The following PDE11A variants were observed in gnomAD, a reference collection of about 807,000 sequenced individuals.
PDE11A encodes dual 3',5'-cyclic-AMP and -GMP phosphodiesterase 11A.
PDE11A carries 100 observed loss-of-function variants against 100.5 expected under a neutral mutation model. The ratio of observed to expected loss-of-function variants is 1.00; its 90% CI spans 0.85 to 1.18. The LOEUF (loss-of-function observed/expected upper bound fraction) is 1.18. Ranked by LOEUF, PDE11A falls within the 50% of genes most tolerant of loss-of-function variation. The pLI is 0.00. For synonymous variants in PDE11A, 381 were observed against 420.8 expected (o/e 0.91, Z 1.16); for missense variants, 1,141 against 1,152.6 (o/e 0.99, Z 0.15).
intron 19 of PDE11A, among the ~76,000 whole-genome samples, chr2:177,647,787 A>G (rs561239930): frequency 6.6e-6 from 1 of 152,268 alleles, no homozygotes; most frequent in African/African-American, 2.4e-5. Context: ...CTCTCTCCCT[A>G]TGGCAAGGGA....
chr2:178,003,930 G>A (rs2086174363), intron 2 of PDE11A, among the ~76,000 whole-genome samples: 1 of 152,042 alleles, frequency 6.6e-6, no homozygotes. Flanking sequence ...AATTTTGTAA[G>A]AATGTGATTT....
At chr2:177,713,361 C>T (rs2081385000) in intron 12 of PDE11A, among the ~76,000 whole-genome samples, 1 of 152,132 alleles carries the variant, frequency 6.6e-6, no homozygotes, top group African/African-American at 2.4e-5. Context: ...TTTAGAAATA[C>T]ATATAACTTC....
At position 177,637,495 on chromosome 2, in the gene PDE11A, A is replaced by T. The variant is rs113930372; in HGVS notation, c.2647-7933T>A. ...TGCATTTTTTTGCAGTTCTTCAAAG[A>T]TCCTGTTCTGGATTGTGTTTTTGTC... On this transcript the variant is annotated intron_variant, in intron 19 of 19. Transcript: ENST00000286063. 9.7e-4 allele frequency among the ~76,000 whole-genome samples: 148 copies of T among 151,848 alleles called. 3 individuals are homozygous for T. The highest frequency in any genetic ancestry group is 3.5e-3 in the African/African-American group (145 of 41,400).
intron 4 of PDE11A, among the ~76,000 whole-genome samples, chr2:177,883,990 C>T (rs1376556131): frequency 6.6e-6 from 1 of 152,198 alleles, no homozygotes; most frequent in Non-Finnish European, 1.5e-5. Context: ...ATCTTCTGCT[C>T]ATACCTTCTA....
At chr2:177,994,073 G>A (rs962438099) in intron 2 of PDE11A, among the ~76,000 whole-genome samples, 4 of 151,636 alleles carry the variant, frequency 2.6e-5, no homozygotes, top group Non-Finnish European at 4.4e-5. Context: ...TGAGACTACA[G>A]GCACCCACCA....
At chr2:177,630,622 T>C (rs1295222941) in intron 19 of PDE11A, among the ~76,000 whole-genome samples, 1 of 152,226 alleles carries the variant, frequency 6.6e-6, no homozygotes, top group Admixed American at 6.5e-5. Context: ...AAAATTCCAC[T>C]ATTCTCTACT....
At chr2:177,888,583 T>C in intron 4 of PDE11A, 2 of 276,426 alleles carry the variant, frequency 7.2e-6, no homozygotes, top group Non-Finnish European at 1.1e-5. Flanking sequence ...GTTAATAAAT[T>C]TGACACATTA....
intron 9 of PDE11A, among the ~76,000 whole-genome samples, chr2:177,781,029 CT>C (rs965888903): frequency 6.6e-6 from 1 of 152,184 alleles, no homozygotes; most frequent in African/African-American, 2.4e-5. Flanking sequence ...CCTATCTCAC[CT>C]TTTGACATGC....
At chr2:177,710,234 G>A (rs1286258211) in intron 13 of PDE11A, among the ~76,000 whole-genome samples, 2 of 152,094 alleles carry the variant, frequency 1.3e-5, no homozygotes, top group African/African-American at 4.8e-5. Flanking sequence ...AGATAGGAGG[G>A]AAGGAGGGAA....
At chr2:177,945,273 G>C (rs1458218228) in intron 2 of PDE11A, among the ~76,000 whole-genome samples, 1 of 147,206 alleles carries the variant, frequency 6.8e-6, no homozygotes, top group African/African-American at 2.5e-5. Context: ...GTCTCTGCCT[G>C]GCCGCCCATC....
intron 9 of PDE11A, among the ~76,000 whole-genome samples, chr2:177,795,976 T>TATATATATATATA (rs60572700): frequency 1.0e-4 from 14 of 137,890 alleles, no homozygotes; most frequent in Admixed American, 1.5e-4. Flanking sequence ...TATATATATA[T>TATATATATATATA]CTTTGCTTTA....
chr2:177,709,497 G>A (rs2081327518), intron 13 of PDE11A, among the ~76,000 whole-genome samples: 1 of 152,110 alleles, frequency 6.6e-6, no homozygotes, highest in Non-Finnish European at 1.5e-5. Flanking sequence ...GAGGTTGAGG[G>A]GACTGTAGGA....
intron 9 of PDE11A, among the ~76,000 whole-genome samples, chr2:177,791,609 G>A (rs952543802): frequency 6.6e-6 from 1 of 151,446 alleles, no homozygotes; most frequent in Non-Finnish European, 1.5e-5. Flanking sequence ...ATATACATTT[G>A]TGGTTTATTT....
At chr2:177,796,619 T>G (rs2082711496) in intron 9 of PDE11A, among the ~76,000 whole-genome samples, 1 of 152,180 alleles carries the variant, frequency 6.6e-6, no homozygotes, top group Admixed American at 6.5e-5. Flanking sequence ...ATTTGGGGTG[T>G]GATCTGCCAC....
intron 1 of PDE11A, among the ~76,000 whole-genome samples, chr2:178,045,892 G>C (rs2086743612): frequency 6.6e-6 from 1 of 152,182 alleles, no homozygotes; most frequent in Non-Finnish European, 1.5e-5. Context: ...CTTCTTTCAT[G>C]GACAGGAATC....
chr2:177,669,207 A>G (rs1016448148), intron 18 of PDE11A, among the ~76,000 whole-genome samples: 1 of 152,228 alleles, frequency 6.6e-6, no homozygotes, highest in Non-Finnish European at 1.5e-5. Flanking sequence ...ATGAAATGCC[A>G]GCACTGGGCT....
chr2:178,091,818 GT>G (rs752341468), intron 2 of PDE11A, among the ~76,000 whole-genome samples: 1 of 152,020 alleles, frequency 6.6e-6, no homozygotes, highest in South Asian at 2.1e-4. Context: ...AGGTTTTAGG[GT>G]TTTTTTCTCC....
chr2:177,736,307 T>C (rs181661035), intron 10 of PDE11A, among the ~76,000 whole-genome samples: 1 of 151,494 alleles, frequency 6.6e-6, no homozygotes, highest in East Asian at 1.9e-4. Flanking sequence ...AGGTCAGGAG[T>C]TCGAGACCAG....
At chr2:177,921,048 C>CTG in intron 2 of PDE11A, among the ~76,000 whole-genome samples, 1 of 142,318 alleles carries the variant, frequency 7.0e-6, no homozygotes, top group Non-Finnish European at 1.5e-5. Context: ...GGCGACAGAG[C>CTG]GAGACTCCAT....
Sources: gnomAD v4.1 joint callset for allele counts (sites outside exome capture counted in the v4.1 genomes callset) on GRCh38, gnomAD v4.1.1 for gene constraint, MANE v1.5 for transcripts, NCBI Gene and HGNC (gene_info 2026-07-23, HGNC 2026-07-21) for gene names.